NR6A1: variants seen among roughly 807,000 people sequenced by gnomAD.
NR6A1 encodes the protein retinoic acid receptor-related testis-associated receptor.
Under a neutral mutation model 59.1 loss-of-function variants are expected in NR6A1, and 7 were observed. That is an observed-to-expected ratio of 0.12 (90% CI 0.07 to 0.22). The LOEUF (loss-of-function observed/expected upper bound fraction) is 0.22. NR6A1 is among the 10% of genes least tolerant of loss of function. The pLI is 1.00. For synonymous variants in NR6A1, 243 were observed against 236.1 expected, an observed-to-expected ratio of 1.03 and a Z score of -0.27; for missense variants, 468 against 611.6, an observed-to-expected ratio of 0.77 and a Z score of 2.48.
intron 2 of NR6A1, among the ~76,000 whole-genome samples, chr9:124,608,347 G>A (rs527986890): frequency 2.6e-5 from 4 of 151,656 alleles, no homozygotes; most frequent in African/African-American, 9.7e-5. Context: ...CTGTGTCTGT[G>A]TGTTCACGTT....
At chr9:124,591,544 A>ACTGCTTCT (rs1835126345) in intron 2 of NR6A1, among the ~76,000 whole-genome samples, 11 of 152,216 alleles carry the variant, frequency 7.2e-5, no homozygotes, top group Admixed American at 6.5e-4. Context: ...AAGCAGCAGT[A>ACTGCTTCT]GTTTTTGTTT....
chr9:124,615,267 G>T (rs994876053), intron 2 of NR6A1, among the ~76,000 whole-genome samples: 5 of 152,168 alleles, frequency 3.3e-5, no homozygotes, highest in Non-Finnish European at 4.4e-5. Flanking sequence ...TACAGTAAGT[G>T]TTTCACAACT....
chr9:124,638,609 G>C (rs1313473356), intron 2 of NR6A1, among the ~76,000 whole-genome samples: 2 of 152,160 alleles, frequency 1.3e-5, no homozygotes, highest in African/African-American at 4.8e-5. Flanking sequence ...GAAGATCATG[G>C]GCTGCTTGAA....
At chr9:124,592,829 C>T (rs922502806) in intron 2 of NR6A1, among the ~76,000 whole-genome samples, 5 of 152,198 alleles carry the variant, frequency 3.3e-5, no homozygotes, top group African/African-American at 1.2e-4. Flanking sequence ...AGTCAGTTGT[C>T]ACCAGTACTT....
intron 2 of NR6A1, chr9:124,692,365 C>T (rs1838579518): frequency 2.5e-6 from 1 of 399,694 alleles, no homozygotes; most frequent in Non-Finnish European, 5.5e-6. Context: ...GACTTGAAAC[C>T]CAGAGAGGAA....
chr9:124,684,699 G>A (rs1169902606), intron 2 of NR6A1, among the ~76,000 whole-genome samples: 2 of 152,196 alleles, frequency 1.3e-5, no homozygotes, highest in African/African-American at 4.8e-5. Flanking sequence ...TTAAAGAAAA[G>A]CGGTAAAGTG....
At chr9:124,712,228 G>A (rs1243556366) in intron 2 of NR6A1, among the ~76,000 whole-genome samples, 1 of 152,072 alleles carries the variant, frequency 6.6e-6, no homozygotes, top group African/African-American at 2.4e-5. Context: ...CCTATTAGTT[G>A]GTTTATGACT....
At chr9:124,632,177 A>C (rs902412185) in intron 2 of NR6A1, among the ~76,000 whole-genome samples, 2 of 152,176 alleles carry the variant, frequency 1.3e-5, no homozygotes, top group African/African-American at 2.4e-5. Context: ...TCCTTTGGAA[A>C]TATGCCCAGT....
chr9:124,668,586 T>C (rs1837698460), intron 2 of NR6A1, among the ~76,000 whole-genome samples: 1 of 152,218 alleles, frequency 6.6e-6, no homozygotes, highest in Non-Finnish European at 1.5e-5. Flanking sequence ...TTCTTACTAA[T>C]ATCTTAGTGT....
intron 2 of NR6A1, among the ~76,000 whole-genome samples, chr9:124,695,150 C>A (rs1012235358): frequency 6.6e-6 from 1 of 152,320 alleles, no homozygotes; most frequent in East Asian, 1.9e-4. Flanking sequence ...TGTGTCACCA[C>A]CTGAAATCGC....
At chr9:124,671,424 G>A (rs1259306341) in intron 2 of NR6A1, among the ~76,000 whole-genome samples, 1 of 152,050 alleles carries the variant, frequency 6.6e-6, no homozygotes, top group Non-Finnish European at 1.5e-5. Flanking sequence ...GGTTTCACAC[G>A]ACCCCAAATA....
intron 2 of NR6A1, among the ~76,000 whole-genome samples, chr9:124,680,612 G>C (rs533946951): frequency 3.9e-5 from 6 of 152,116 alleles, no homozygotes; most frequent in Non-Finnish European, 7.4e-5. Flanking sequence ...TAAAGCTCCA[G>C]GGGGATGCCA....
In NR6A1 at chr9:124,535,781, T is replaced by TA. The variant is rs548596237; in HGVS notation, c.1079+96_1079+97insT. Reference sequence around the variant, plus strand: ...AGGATTCAAATCCAGGCCTATGAGGTGTAGTGCCTATCCTCTGAAGGGCCA... The same window carrying TA: ...AGGATTCAAATCCAGGCCTATGAGGTAGTAGTGCCTATCCTCTGAAGGGCCA... On this transcript the variant is annotated intron_variant, in intron 7 of 9. Transcript: ENST00000487099. 1.5e-4 allele frequency: 218 copies of TA among 1,437,806 alleles called. 2 individuals are homozygous for TA. In the African/African-American group the frequency reaches 2.5e-3, roughly 17 times the overall value. 89.1% of individuals were successfully genotyped at this position (1,437,806 alleles called of 1,614,324 possible). A position where few individuals can be genotyped will look rare whatever the true frequency, so the allele number is the denominator to read the frequency against.
At chr9:124,719,214 G>A (rs767438882) in intron 2 of NR6A1, among the ~76,000 whole-genome samples, 1 of 151,652 alleles carries the variant, frequency 6.6e-6, no homozygotes, top group Non-Finnish European at 1.5e-5. Context: ...ATCCTCCCAA[G>A]TAGCTGGGAC....
At chr9:124,588,263 C>A (rs975440110) in intron 2 of NR6A1, among the ~76,000 whole-genome samples, 9 of 152,092 alleles carry the variant, frequency 5.9e-5, no homozygotes, top group African/African-American at 2.2e-4. Context: ...GAGACAAGAG[C>A]AGGAGTGCTG....
At chr9:124,699,915 G>A (rs1838882280) in intron 2 of NR6A1, among the ~76,000 whole-genome samples, 1 of 152,134 alleles carries the variant, frequency 6.6e-6, no homozygotes, top group Non-Finnish European at 1.5e-5. Context: ...GGAGTGCAGT[G>A]GTATGATCTC....
chr9:124,700,341 T>C (rs530534671), intron 2 of NR6A1, among the ~76,000 whole-genome samples: 32 of 152,166 alleles, frequency 2.1e-4, no homozygotes, highest in Middle Eastern at 3.4e-3. Flanking sequence ...ACTACAGGCA[T>C]ACACCACCAT....
In NR6A1 at chr9:124,605,016, C is replaced by T. The variant is rs918974510; in HGVS notation, c.143-50446G>A. Among the ~76,000 whole-genome samples the T allele has an allele frequency of 2.6e-5, 4 of 152,096 alleles. No individual in the cohort carries two copies. In the South Asian group the frequency reaches 6.2e-4, roughly 24 times the overall value. Reference sequence around the variant, plus strand: ...ATAATAGATCCTAGATACCAATCATCAAACGCTGCTAACCATTACAAAAAG... The same window carrying T: ...ATAATAGATCCTAGATACCAATCATTAAACGCTGCTAACCATTACAAAAAG... On this transcript the variant is annotated intron_variant, in intron 2 of 9. Transcript: ENST00000487099.
intron 2 of NR6A1, among the ~76,000 whole-genome samples, chr9:124,641,359 CAA>C (rs558122642): frequency 3.4e-4 from 28 of 81,434 alleles, no homozygotes; most frequent in Non-Finnish European, 4.5e-4. Flanking sequence ...AAATCTGTCT[CAA>C]AAAAAAAAAA....
Sources: allele counts gnomAD v4.1 joint callset (sites outside exome capture counted in the v4.1 genomes callset), GRCh38; gene constraint gnomAD v4.1.1; transcripts MANE v1.5; gene names NCBI Gene and HGNC (gene_info 2026-07-23, HGNC 2026-07-21).